Variants in MYSM1 observed in about 807,000 individuals in gnomAD.
The protein encoded by MYSM1 is deubiquitinase MYSM1.
A neutral mutation model predicts 116.0 loss-of-function variants in MYSM1; 51 were observed. The ratio of observed to expected loss-of-function variants is 0.44; its 90% CI spans 0.35 to 0.56. The LOEUF (loss-of-function observed/expected upper bound fraction) is 0.56. MYSM1 is among the 20% of genes least tolerant of loss of function. The pLI, the probability that MYSM1 is intolerant of heterozygous loss-of-function variation, is 0.00. For missense variants in MYSM1, 900 were observed against 974.9 expected, an observed-to-expected ratio of 0.92 and a Z score of 1.02; for synonymous variants, 313 against 315.2, an observed-to-expected ratio of 0.99 and a Z score of 0.07.
In MYSM1 at chr1:58,665,607, T is replaced by C. The variant is rs1374707453; in HGVS notation, c.2056A>G (p.Lys686Glu). Residue 686 changes from lysine (K) to glutamate (E), a missense_variant, in exon 17 of 20, where the codon AAG becomes GAG. Lys to Glu is a moderately conservative substitution (Grantham distance 56). Around this residue, in one of 3 missense-constraint regions of MYSM1, gnomAD observed 186 missense variants for 196.2 expected, o/e 0.95. Coordinates refer to ENST00000472487, the MANE Select transcript of MYSM1 (RefSeq NM_001085487.3). ...YQSYFSRGGA[K>E]FIGMIVSPYN... Reference sequence around the variant, plus strand: ...GGACTAACAATCATCCCAATGAACTTTGCACCTCCTCTGGAGAAGTAACTC... The same window carrying C: ...GGACTAACAATCATCCCAATGAACTCTGCACCTCCTCTGGAGAAGTAACTC... The C allele has an allele frequency of 1.9e-6, 3 of 1,570,330 alleles. No individual in the cohort carries two copies. Among genetic ancestry groups the C allele is most frequent in the Non-Finnish European group, 2.6e-6 (3 of 1,143,354 alleles).
intron 17 of MYSM1, among the ~76,000 whole-genome samples, chr1:58,663,342 T>G (rs998033373): frequency 2.0e-5 from 3 of 152,150 alleles, no homozygotes; most frequent in African/African-American, 7.2e-5. Flanking sequence ...TTATAGAGAA[T>G]ATTTTTATCC....
intron 3 of MYSM1, chr1:58,692,560 T>C (rs1644918823): frequency 4.7e-6 from 1 of 212,086 alleles, no homozygotes; most frequent in Non-Finnish European, 9.3e-6. Flanking sequence ...AAATGCAAGC[T>C]TGGACTTAAG....
At position 58,673,668 on chromosome 1, in the gene MYSM1, T is replaced by C. The variant is rs745516710; in HGVS notation, c.1495-18A>G. The C allele has an allele frequency of 1.2e-6, 2 of 1,607,908 alleles. No individual in the cohort carries two copies. Among genetic ancestry groups the C allele is most frequent in the Admixed American group, 3.3e-5 (2 of 59,850 alleles). ...CTTGTACGCTGCGATGAGATTAAAG[T>C]AAAGCAAAAGGTAGCAAGATTAATA... On this transcript the variant is annotated intron_variant, in intron 10 of 19. Transcript: ENST00000472487.
At chr1:58,661,275 C>T in intron 18 of MYSM1, 48 bp from the exon 19 acceptor site, 1 of 1,469,792 alleles carries the variant, frequency 6.8e-7, no homozygotes, top group Non-Finnish European at 9.5e-7. Flanking sequence ...ATACTATAAA[C>T]TAATCAGTTT....
intron 7 of MYSM1, among the ~76,000 whole-genome samples, chr1:58,683,759 A>G (rs1445826608): frequency 6.6e-6 from 1 of 152,244 alleles, no homozygotes; most frequent in African/African-American, 2.4e-5. Context: ...TATGTAGAGA[A>G]TAAAAGGGTA....
chr1:58,697,652 C>T (rs1000881771), intron 1 of MYSM1, among the ~76,000 whole-genome samples: 17 of 151,078 alleles, frequency 1.1e-4, no homozygotes, highest in African/African-American at 2.4e-4. Context: ...GGCAATGGCG[C>T]GATCTCGGCT....
intron 3 of MYSM1, among the ~76,000 whole-genome samples, chr1:58,691,748 T>A (rs1644908891): frequency 6.6e-6 from 1 of 152,108 alleles, no homozygotes; most frequent in African/African-American, 2.4e-5. Flanking sequence ...GCGCCCATAA[T>A]CCCAGCTACT....
chr1:58,682,807 T>C (rs576671935), intron 7 of MYSM1, among the ~76,000 whole-genome samples: 4 of 151,896 alleles, frequency 2.6e-5, no homozygotes, highest in Non-Finnish European at 4.4e-5. Flanking sequence ...GCCATTCTCC[T>C]GCCTCAGCCT....
chr1:58,682,577 T>A (rs760065206), intron 7 of MYSM1, 32 bp from the exon 8 acceptor site: 5 of 1,511,226 alleles, frequency 3.3e-6, no homozygotes, highest in Non-Finnish European at 4.4e-6. Context: ...ATCCCCATAA[T>A]ATTAAGATTT....
At chr1:58,690,654 T>G (rs929799660) in intron 3 of MYSM1, among the ~76,000 whole-genome samples, 2 of 150,792 alleles carry the variant, frequency 1.3e-5, no homozygotes, top group Non-Finnish European at 2.9e-5. Flanking sequence ...GTAAACTTTC[T>G]TAAAACACCA....
At chr1:58,693,056 G>C in intron 2 of MYSM1, 125 bp from the exon 3 acceptor site, 1 of 721,342 alleles carries the variant, frequency 1.4e-6, no homozygotes, top group Non-Finnish European at 2.2e-6. Context: ...TGAGCACACA[G>C]ACATATTTTT....
intron 17 of MYSM1, among the ~76,000 whole-genome samples, chr1:58,661,897 T>C (rs562372752): frequency 2.6e-5 from 4 of 152,082 alleles, no homozygotes; most frequent in South Asian, 4.1e-4. Flanking sequence ...CTAAGACATA[T>C]TGCCATCCTA....
At chr1:58,667,797 TGGTAGTA>T (rs1644496611) in intron 15 of MYSM1, 43 bp downstream of exon 15, 1 of 1,022,510 alleles carries the variant, frequency 9.8e-7, no homozygotes. Flanking sequence ...ATATTTGGTA[TGGTAGTA>T]GGACTAAATA....
At position 58,688,072 on chromosome 1, in the gene MYSM1, T is replaced by C. The variant is rs553425631; in HGVS notation, c.399+966A>G. 6.6e-5 allele frequency among the ~76,000 whole-genome samples: 10 copies of C among 152,084 alleles called. No individual in the cohort carries two copies. In the South Asian group the frequency reaches 1.7e-3, roughly 25 times the overall value. The stretch of plus-strand genomic sequence containing the variant: ...AATGATTAATTAAAGTTAGATCATA[T>C]AAATGATAATCATACAACACACTGA... On this transcript the variant is annotated intron_variant, in intron 6 of 19. Coordinates refer to ENST00000472487, the MANE Select transcript of MYSM1 (RefSeq NM_001085487.3).
At chr1:58,689,139 CA>C (rs753633162) in intron 5 of MYSM1, 23 bp from the exon 6 acceptor site, 66 of 1,565,824 alleles carry the variant, frequency 4.2e-5, no homozygotes, top group Admixed American at 2.7e-4. Flanking sequence ...AAAGGAATTG[CA>C]AAAAAAATTT....
At chr1:58,673,852 C>T (rs1037403109) in intron 10 of MYSM1, among the ~76,000 whole-genome samples, 1 of 152,140 alleles carries the variant, frequency 6.6e-6, no homozygotes, top group African/African-American at 2.4e-5. Flanking sequence ...TATAATAAAT[C>T]AGTGATGGCG....
At chr1:58,672,386 T>C (rs1330148778) in intron 11 of MYSM1, among the ~76,000 whole-genome samples, 2 of 152,124 alleles carry the variant, frequency 1.3e-5, no homozygotes, top group African/African-American at 2.4e-5. Flanking sequence ...TTGGTGACCC[T>C]AGGCAAATTC....
chr1:58,699,775 C>G, intron 1 of MYSM1: 1 of 985,418 alleles, frequency 1.0e-6, no homozygotes, highest in African/African-American at 1.7e-5. Context: ...TGAAAGCGAC[C>G]CAGGAGTACC....
At chr1:58,669,495 TA>T (rs1644523659) in intron 12 of MYSM1, among the ~76,000 whole-genome samples, 1 of 152,054 alleles carries the variant, frequency 6.6e-6, no homozygotes, top group South Asian at 2.1e-4. Context: ...ACAGTTCTGG[TA>T]AAGATATTAA....
Sources: gnomAD v4.1 joint callset for allele counts (sites outside exome capture counted in the v4.1 genomes callset) on GRCh38, gnomAD v4.1.1 for gene constraint, gnomAD v4.1.1 regional missense constraint, MANE v1.5 for transcripts, NCBI Gene and HGNC (gene_info 2026-07-23, HGNC 2026-07-21) for gene names.